Variants in SLC6A5 observed in about 807,000 individuals in gnomAD.
SLC6A5 encodes the protein sodium- and chloride-dependent glycine transporter 2.
A neutral mutation model predicts 90.5 loss-of-function variants in SLC6A5; 58 were observed. That is an observed-to-expected ratio of 0.64 (90% CI 0.52 to 0.80). The LOEUF is 0.80. SLC6A5 is among the 30% of genes least tolerant of loss of function. The pLI, the probability that SLC6A5 is intolerant of heterozygous loss-of-function variation, is 0.00. For missense variants in SLC6A5, 1,015 were observed against 1,017.6 expected, an observed-to-expected ratio of 1.00 and a Z score of 0.03; for synonymous variants, 427 against 401.4, an observed-to-expected ratio of 1.06 and a Z score of -0.76.
chr11:20,601,452 C>G lies in SLC6A5; in HGVS notation c.327C>G (p.Pro109=), dbSNP rs767784671. 3 of 1,608,838 alleles carry G rather than the reference C, an allele frequency of 1.9e-6. No individual in the cohort carries two copies. The highest frequency in any genetic ancestry group is 2.5e-6 in the Non-Finnish European group (3 of 1,177,818). ...EAQGAQASPP[P]GSSGPGNALH... is the part of the protein sequence containing the mutation. ...AAGGCGCGCAGGCCTCGCCCCCTCCCGGGAGCTCCGGGCCCGGCAACGCGC... is the reference window on the plus strand; with the variant it reads ...AAGGCGCGCAGGCCTCGCCCCCTCCGGGGAGCTCCGGGCCCGGCAACGCGC... The change falls in exon 2 of 16, where the codon CCC becomes CCG. Residue 109 remains proline (P), a synonymous_variant. Transcript: ENST00000525748.
intron 5 of SLC6A5, among the ~76,000 whole-genome samples, chr11:20,614,091 C>T (rs1055573413): frequency 6.6e-6 from 1 of 152,196 alleles, no homozygotes; most frequent in Admixed American, 6.5e-5. Flanking sequence ...GTAGAAAGTA[C>T]ACAGCACGTG....
intron 14 of SLC6A5, among the ~76,000 whole-genome samples, 198 bp downstream of exon 14, chr11:20,647,132 A>C (rs1395913205): frequency 6.6e-6 from 1 of 151,520 alleles, no homozygotes; most frequent in Non-Finnish European, 1.5e-5. Context: ...GGTGCCTAGC[A>C]GGTCAGGTGC....
intron 1 of SLC6A5, among the ~76,000 whole-genome samples, chr11:20,599,891 C>CTGTG (rs1182031218): frequency 6.6e-6 from 1 of 152,124 alleles, no homozygotes; most frequent in African/African-American, 2.4e-5. Context: ...GAGAGGTTGG[C>CTGTG]TGTGGCTCCT....
At chr11:20,614,044 G>A (rs1308931590) in intron 5 of SLC6A5, among the ~76,000 whole-genome samples, 1 of 152,140 alleles carries the variant, frequency 6.6e-6, no homozygotes, top group East Asian at 1.9e-4. Flanking sequence ...ATCCCCGGTA[G>A]ACGGCGTGGT....
intron 12 of SLC6A5, 42 bp downstream of exon 12, chr11:20,637,345 G>A (rs183562522): frequency 1.9e-6 from 3 of 1,563,098 alleles, no homozygotes; most frequent in Non-Finnish European, 2.6e-6. Context: ...GGGGGCAGGA[G>A]GGTGGGGGGC....
intron 10 of SLC6A5, among the ~76,000 whole-genome samples, chr11:20,634,651 C>T (rs1046786224): frequency 1.3e-5 from 2 of 152,168 alleles, no homozygotes; most frequent in African/African-American, 4.8e-5. Flanking sequence ...TTACGGTTCA[C>T]ATAGGGAGCC....
rs1853664367 is a variant in SLC6A5 at position 20,658,555 on chromosome 11, C to A, written c.*3687C>A. 6.6e-6 allele frequency: 1 copy of A among 152,200 alleles called. No homozygotes were observed. The highest frequency in any genetic ancestry group is 2.1e-4 in the South Asian group (1 of 4,830). 9.4% of individuals were successfully genotyped at this position (152,200 alleles called of 1,614,324 possible). A position where few individuals can be genotyped will look rare whatever the true frequency, so the allele number is the denominator to read the frequency against. On this transcript the variant is annotated 3_prime_UTR_variant, in exon 16 of 16. Transcript: ENST00000525748. ...TTCTGCCTTGATACTCATTTCCCCACAAAGTGGCCCTAGGATTTGTGAAAG... is the reference window on the plus strand; with the variant it reads ...TTCTGCCTTGATACTCATTTCCCCAAAAAGTGGCCCTAGGATTTGTGAAAG...
At position 20,613,316 on chromosome 11, in the gene SLC6A5, AGTT is replaced by A. The variant is rs768033435; in HGVS notation, c.986-1353_986-1351del. Reference sequence around the variant, plus strand: ...ACGTGGTAACTGCCATATAAGTGTAAGTTGTTGTTGTTATTGTTACTATGTGCT... The same window carrying A: ...ACGTGGTAACTGCCATATAAGTGTAAGTTGTTGTTATTGTTACTATGTGCT... On this transcript the variant is annotated intron_variant, in intron 5 of 15. Transcript: ENST00000525748. 8.2e-4 allele frequency among the ~76,000 whole-genome samples: 125 copies of A among 152,298 alleles called. 2 individuals carry two copies. The highest frequency in any genetic ancestry group is 3.5e-3 in the South Asian group (17 of 4,826).
rs1416885816 is a variant in SLC6A5, at chr11:20,658,452, A to G, written c.*3584A>G. 1 of 152,152 alleles carries G rather than the reference A, an allele frequency of 6.6e-6. No homozygotes were observed. The highest frequency in any genetic ancestry group is 1.5e-5 in the Non-Finnish European group (1 of 68,044). 9.4% of individuals were successfully genotyped at this position (152,152 alleles called of 1,614,324 possible). A position where few individuals can be genotyped will look rare whatever the true frequency, so the allele number is the denominator to read the frequency against. On this transcript the variant is annotated 3_prime_UTR_variant, in exon 16 of 16. Coordinates refer to ENST00000525748, the MANE Select transcript of SLC6A5 (RefSeq NM_004211.5). ...TTTGCAGGACCAAAAGGCCAAGGCC[A>G]ACAGAGGAGCATTTCCTTCTCTTTC...
chr11:20,635,869 C>T (rs1020715768), intron 10 of SLC6A5, among the ~76,000 whole-genome samples: 2 of 152,136 alleles, frequency 1.3e-5, no homozygotes, highest in South Asian at 2.1e-4. Context: ...CCAGCTCACC[C>T]GTGAGAATAA....
intron 5 of SLC6A5, among the ~76,000 whole-genome samples, chr11:20,610,291 T>TC (rs1852669411): frequency 1.3e-5 from 2 of 152,160 alleles, no homozygotes; most frequent in South Asian, 4.1e-4. Flanking sequence ...GGAAGCATGC[T>TC]CCTGCCGCCC....
chr11:20,619,412 G>A (rs1394048255), intron 7 of SLC6A5, among the ~76,000 whole-genome samples: 2 of 152,204 alleles, frequency 1.3e-5, no homozygotes, highest in Non-Finnish European at 2.9e-5. Flanking sequence ...TTGAGTGGTG[G>A]ATTCTGGCAG....
At chr11:20,643,289 G>A (rs573034638) in intron 13 of SLC6A5, among the ~76,000 whole-genome samples, 5 of 151,426 alleles carry the variant, frequency 3.3e-5, no homozygotes, top group Non-Finnish European at 5.9e-5. Context: ...TATTTTTGAG[G>A]GCCTCAGCTT....
chr11:20,616,964 G>A (rs1488414106), intron 6 of SLC6A5, among the ~76,000 whole-genome samples: 1 of 152,210 alleles, frequency 6.6e-6, no homozygotes, highest in Admixed American at 6.5e-5. Flanking sequence ...TTTTACAGAG[G>A]ATGTATGGCT....
chr11:20,646,688 C>T (rs1853421104), intron 13 of SLC6A5, 146 bp from the exon 14 acceptor site: 1 of 680,744 alleles, frequency 1.5e-6, no homozygotes, highest in Non-Finnish European at 2.7e-6. Flanking sequence ...CTGATGGTTC[C>T]CTGCATAATA....
chr11:20,645,311 G>A (rs1853391708), intron 13 of SLC6A5, among the ~76,000 whole-genome samples: 1 of 152,026 alleles, frequency 6.6e-6, no homozygotes, highest in Non-Finnish European at 1.5e-5. Flanking sequence ...GGGTGGTGGG[G>A]GACACTGATC....
Position 20,604,362 on chromosome 11 carries a change from G to C in SLC6A5, c.617G>C (p.Gly206Ala). The C allele has an allele frequency of 6.2e-7, 1 of 1,614,172 alleles. No homozygotes were observed. The highest frequency in any genetic ancestry group is 1.1e-5 in the South Asian group (1 of 91,088). ...SKLDFILSMV[G>A]YAVGLGNVWR... ...CTGGACTTCATCCTGTCCATGGTGG[G>C]GTACGCAGTGGGGCTGGGCAATGTC... The change falls in exon 3 of 16, where the codon GGG becomes GCG. Residue 206 changes from glycine (G) to alanine (A), a missense_variant. Gly to Ala is a moderately conservative substitution (Grantham distance 60). This residue lies in a region of SLC6A5 where 567 missense variants were observed against 507.3 expected (regional missense o/e 1.12). Coordinates refer to ENST00000525748, the MANE Select transcript of SLC6A5 (RefSeq NM_004211.5).
At chr11:20,609,117 A>G (rs1299859528) in intron 5 of SLC6A5, among the ~76,000 whole-genome samples, 1 of 152,094 alleles carries the variant, frequency 6.6e-6, no homozygotes, top group Non-Finnish European at 1.5e-5. Flanking sequence ...GGCAGAGCAA[A>G]GATATGACAC....
At chr11:20,613,387 CTTTA>C (rs1367515378) in intron 5 of SLC6A5, among the ~76,000 whole-genome samples, 1 of 152,044 alleles carries the variant, frequency 6.6e-6, no homozygotes, top group Non-Finnish European at 1.5e-5. Context: ...CTGGTGGATT[CTTTA>C]TTTAAGGTAT....
Sources: allele counts gnomAD v4.1 joint callset (sites outside exome capture counted in the v4.1 genomes callset), GRCh38; gene constraint gnomAD v4.1.1; regional missense constraint gnomAD v4.1.1; transcripts MANE v1.5; gene names NCBI Gene and HGNC (gene_info 2026-07-23, HGNC 2026-07-21).